Variants in ADAMTS3 observed in about 807,000 individuals in gnomAD.
ADAMTS3 encodes ADAM metallopeptidase with thrombospondin type 1 motif 3.
Under a neutral mutation model 129.0 loss-of-function variants are expected in ADAMTS3, and 73 were observed. The observed-to-expected ratio is 0.57, with a 90% CI of 0.47 to 0.69. ADAMTS3 has a LOEUF of 0.69. Among genes scored for constraint, ADAMTS3 ranks in the 30% least tolerant of loss-of-function variants. The probability of loss-of-function intolerance (pLI) is 0.00; values close to 1 mark genes in which losing one functional copy is unlikely to be tolerated. For synonymous variants in ADAMTS3, 477 were observed against 510.8 expected (o/e 0.93, Z 0.89); for missense variants, 1,457 against 1,514.5 (o/e 0.96, Z 0.63).
chr4:72,376,692 C>T (rs962996840), intron 4 of ADAMTS3, among the ~76,000 whole-genome samples: 1 of 152,148 alleles, frequency 6.6e-6, no homozygotes, highest in Non-Finnish European at 1.5e-5. Context: ...TGATTGAGAA[C>T]CTTTGTTCCA....
chr4:72,421,792 A>G (rs1272824608), intron 3 of ADAMTS3, among the ~76,000 whole-genome samples: 1 of 152,178 alleles, frequency 6.6e-6, no homozygotes, highest in African/African-American at 2.4e-5. Context: ...CCGTCACACT[A>G]TATTAATATT....
At position 72,415,068 on chromosome 4, in the gene ADAMTS3, A is replaced by C; in HGVS notation, c.505-97T>G. 4 of 939,910 alleles carry C rather than the reference A, an allele frequency of 4.3e-6. No individual in the cohort carries two copies. In the South Asian group the frequency reaches 1.1e-4, roughly 27 times the overall value. 58.2% of individuals were successfully genotyped at this position (939,910 alleles called of 1,614,324 possible). A position where few individuals can be genotyped will look rare whatever the true frequency, so the allele number is the denominator to read the frequency against. ...TTAAATGTCAAGAATATGACTTGTG[A>C]AAACTAACGCTTTTTCTTTCCACAT... On this transcript the variant is annotated intron_variant, in intron 3 of 21. Coordinates refer to ENST00000286657, the MANE Select transcript of ADAMTS3 (RefSeq NM_014243.3).
At chr4:72,475,757 G>GA (rs1173426835) in intron 3 of ADAMTS3, among the ~76,000 whole-genome samples, 28 of 148,926 alleles carry the variant, frequency 1.9e-4, no homozygotes, top group East Asian at 3.9e-4. Context: ...CCTCATCTAT[G>GA]AAAAAAAAAC....
chr4:72,456,806 G>C (rs565185691), intron 3 of ADAMTS3, among the ~76,000 whole-genome samples: 3 of 151,554 alleles, frequency 2.0e-5, no homozygotes, highest in South Asian at 2.1e-4. Flanking sequence ...TTGTGTGTTT[G>C]CATCTTCATT....
At chr4:72,551,774 G>A (rs1054322880) in intron 2 of ADAMTS3, among the ~76,000 whole-genome samples, 1 of 152,100 alleles carries the variant, frequency 6.6e-6, no homozygotes, top group Non-Finnish European at 1.5e-5. Context: ...AGAGCCAAAG[G>A]AAAATTCCTG....
At chr4:72,395,946 G>A (rs1357349557) in intron 4 of ADAMTS3, among the ~76,000 whole-genome samples, 2 of 152,146 alleles carry the variant, frequency 1.3e-5, no homozygotes, top group African/African-American at 4.8e-5. Flanking sequence ...TTAGGATACT[G>A]CTGCAGTATT....
rs1185538410 is a variant in ADAMTS3, at chr4:72,319,828, T to C, written c.1208+30A>G. 7 of 1,529,356 alleles carry C rather than the reference T, an allele frequency of 4.6e-6. No homozygotes were observed. In the African/African-American group the frequency reaches 9.6e-5, roughly 21 times the overall value. The allele number at this position is 1,529,356 out of a possible 1,614,324, so 94.7% of individuals were successfully genotyped here. A position where few individuals can be genotyped will look rare whatever the true frequency, so the allele number is the denominator to read the frequency against. ...GAAGCAGGAAAGAAAAGATCTTTTT[T>C]TGGCTTTATAGCTGTCAGCAGTGAC... is the stretch of plus-strand genomic sequence containing the variant. On this transcript the variant is annotated intron_variant, in intron 8 of 21. Coordinates refer to ENST00000286657, the MANE Select transcript of ADAMTS3 (RefSeq NM_014243.3).
chr4:72,566,470 G>A (rs1015817027), intron 2 of ADAMTS3, among the ~76,000 whole-genome samples: 4 of 152,102 alleles, frequency 2.6e-5, no homozygotes, highest in Admixed American at 2.6e-4. Flanking sequence ...TTAATAAACG[G>A]CCAATGACTT....
chr4:72,426,459 G>T (rs893777327), intron 3 of ADAMTS3, among the ~76,000 whole-genome samples: 4 of 152,026 alleles, frequency 2.6e-5, no homozygotes, highest in African/African-American at 9.7e-5. Flanking sequence ...ATTAATAAAT[G>T]CACATACCCA....
At chr4:72,543,952 G>A (rs904163389) in intron 3 of ADAMTS3, among the ~76,000 whole-genome samples, 3 of 152,014 alleles carry the variant, frequency 2.0e-5, no homozygotes, top group Non-Finnish European at 4.4e-5. Context: ...CTCAAAACTC[G>A]TCAGGCTAAT....
chr4:72,479,237 T>A (rs1719348678), intron 3 of ADAMTS3, among the ~76,000 whole-genome samples: 1 of 152,078 alleles, frequency 6.6e-6, no homozygotes, highest in Admixed American at 6.6e-5. Context: ...CATTGCCAAG[T>A]CAATCCTAAG....
chr4:72,488,565 G>C (rs1160870377), intron 3 of ADAMTS3, among the ~76,000 whole-genome samples: 1 of 151,924 alleles, frequency 6.6e-6, no homozygotes, highest in Non-Finnish European at 1.5e-5. Flanking sequence ...TATCTCAAAT[G>C]TGATCATCTC....
chr4:72,456,644 T>C (rs1233441408), intron 3 of ADAMTS3, among the ~76,000 whole-genome samples: 1 of 151,362 alleles, frequency 6.6e-6, no homozygotes, highest in East Asian at 2.0e-4. Context: ...ATAACTCACA[T>C]AGGCACCCAC....
intron 10 of ADAMTS3, among the ~76,000 whole-genome samples, chr4:72,316,990 C>G (rs920041698): frequency 1.3e-5 from 2 of 152,014 alleles, no homozygotes; most frequent in Non-Finnish European, 2.9e-5. Flanking sequence ...CTGAACACAC[C>G]ACATTATAAT....
intron 3 of ADAMTS3, among the ~76,000 whole-genome samples, chr4:72,522,235 G>A (rs1453784564): frequency 1.3e-5 from 2 of 152,126 alleles, no homozygotes; most frequent in Admixed American, 6.5e-5. Flanking sequence ...TTGACCTTCT[G>A]AGTAGGTGTG....
intron 3 of ADAMTS3, chr4:72,441,670 T>G (rs74732414): frequency 6.6e-6 from 1 of 151,808 alleles, no homozygotes; most frequent in Non-Finnish European, 1.5e-5. Flanking sequence ...CCTGTTCTCA[T>G]GGCTTTCTCT....
intron 3 of ADAMTS3, among the ~76,000 whole-genome samples, chr4:72,420,550 C>T (rs1722416526): frequency 6.6e-6 from 1 of 152,178 alleles, no homozygotes; most frequent in East Asian, 1.9e-4. Flanking sequence ...CCGACACACT[C>T]GATCACTTAA....
chr4:72,385,370 T>C (rs2109884839), intron 4 of ADAMTS3, among the ~76,000 whole-genome samples: 1 of 152,104 alleles, frequency 6.6e-6, no homozygotes, highest in East Asian at 1.9e-4. Flanking sequence ...GAAGCTAAGA[T>C]GGAATTACAT....
chr4:72,321,810 C>A lies in ADAMTS3; in HGVS notation c.946-940G>T, dbSNP rs1343065420. On this transcript the variant is annotated intron_variant, in intron 6 of 21. Transcript: ENST00000286657. ...CTCCCATTTTTTTTTTAACTTCATGCTACTGAAGAGGGGTGGACTCTTCCA... is the reference window on the plus strand; with the variant it reads ...CTCCCATTTTTTTTTTAACTTCATGATACTGAAGAGGGGTGGACTCTTCCA... 4.6e-5 allele frequency among the ~76,000 whole-genome samples: 7 copies of A among 151,880 alleles called. 1 individual carries two copies. The highest frequency in any genetic ancestry group is 2.6e-4 in the Admixed American group (4 of 15,234).
Sources: gnomAD v4.1 joint callset for allele counts (sites outside exome capture counted in the v4.1 genomes callset) on GRCh38, gnomAD v4.1.1 for gene constraint, MANE v1.5 for transcripts, NCBI Gene and HGNC (gene_info 2026-07-23, HGNC 2026-07-21) for gene names.